The following MAGI3 variants were observed in gnomAD, a reference collection of about 807,000 sequenced individuals.
MAGI3 encodes membrane-associated guanylate kinase, WW and PDZ domain-containing protein 3.
MAGI3 carries 43 observed loss-of-function variants against 121.8 expected under a neutral mutation model. The ratio of observed to expected loss-of-function variants is 0.35; its 90% confidence interval spans 0.28 to 0.46. MAGI3 has a LOEUF of 0.46. MAGI3 is among the 20% of genes least tolerant of loss of function. The pLI, the probability that MAGI3 is intolerant of heterozygous loss-of-function variation, is 1.00. For missense variants in MAGI3, 1,547 were observed against 1,797.3 expected, an observed-to-expected ratio of 0.86 and a Z score of 2.52; for synonymous variants, 553 against 639.3, an observed-to-expected ratio of 0.86 and a Z score of 2.04.
chr1:113,461,941 A>G (rs1203909087), intron 1 of MAGI3, among the ~76,000 whole-genome samples: 1 of 152,232 alleles, frequency 6.6e-6, no homozygotes, highest in East Asian at 1.9e-4. Flanking sequence ...GAAGACATAC[A>G]TGAGGCCAAC....
At chr1:113,644,482 C>T (rs1002213402) in intron 11 of MAGI3, among the ~76,000 whole-genome samples, 2 of 152,056 alleles carry the variant, frequency 1.3e-5, no homozygotes, top group Non-Finnish European at 2.9e-5. Flanking sequence ...AGGGTTTCAC[C>T]ATGTTGGCTA....
chr1:113,425,699 T>C (rs1652974506), intron 1 of MAGI3, among the ~76,000 whole-genome samples: 1 of 152,174 alleles, frequency 6.6e-6, no homozygotes, highest in African/African-American at 2.4e-5. Context: ...GAGTATAAAA[T>C]TGTTCATAAT....
intron 1 of MAGI3, among the ~76,000 whole-genome samples, chr1:113,548,664 G>T (rs934615108): frequency 2.0e-5 from 3 of 152,176 alleles, no homozygotes; most frequent in Admixed American, 1.3e-4. Context: ...TCCCTGTTCG[G>T]GATTTTAGAT....
chr1:113,417,400 A>G (rs1652512451), intron 1 of MAGI3, among the ~76,000 whole-genome samples: 1 of 152,070 alleles, frequency 6.6e-6, no homozygotes, highest in Non-Finnish European at 1.5e-5. Flanking sequence ...GACCACATTT[A>G]TTGATTTCTG....
At chr1:113,552,490 C>A (rs1225864775) in intron 2 of MAGI3, among the ~76,000 whole-genome samples, 1 of 152,166 alleles carries the variant, frequency 6.6e-6, no homozygotes, top group East Asian at 1.9e-4. Flanking sequence ...TGGGATGTCT[C>A]ATTTTTAGTT....
intron 1 of MAGI3, among the ~76,000 whole-genome samples, chr1:113,464,040 T>C (rs947282328): frequency 1.3e-5 from 2 of 152,126 alleles, no homozygotes; most frequent in African/African-American, 4.8e-5. Flanking sequence ...AAATGTACAA[T>C]AGATTAAGTT....
At chr1:113,547,789 G>A (rs1399195961) in intron 1 of MAGI3, among the ~76,000 whole-genome samples, 1 of 152,098 alleles carries the variant, frequency 6.6e-6, no homozygotes, top group African/African-American at 2.4e-5. Context: ...TAAGGCTTGG[G>A]TTAGTGGGAT....
intron 7 of MAGI3, chr1:113,618,388 T>G: frequency 3.2e-6 from 1 of 315,626 alleles, no homozygotes; most frequent in Non-Finnish European, 6.1e-6. Context: ...GTTCAACTTG[T>G]GTGACTATTT....
chr1:113,405,982 C>A (rs954801445), intron 1 of MAGI3, among the ~76,000 whole-genome samples: 10 of 152,050 alleles, frequency 6.6e-5, no homozygotes, highest in African/African-American at 2.2e-4. Context: ...ACCCCCAGAA[C>A]ATCCGTATAT....
chr1:113,626,807 C>T (rs1287019407), intron 9 of MAGI3, among the ~76,000 whole-genome samples: 1 of 152,118 alleles, frequency 6.6e-6, no homozygotes, highest in Non-Finnish European at 1.5e-5. Context: ...TCTCCTGTTT[C>T]ATCTCTGATT....
At chr1:113,625,132 C>A (rs1173182257) in intron 9 of MAGI3, among the ~76,000 whole-genome samples, 1 of 152,158 alleles carries the variant, frequency 6.6e-6, no homozygotes, top group African/African-American at 2.4e-5. Flanking sequence ...TAATGTGATT[C>A]CTCCAGTTGT....
chr1:113,621,082 G>A, intron 8 of MAGI3, among the ~76,000 whole-genome samples: 1 of 152,142 alleles, frequency 6.6e-6, no homozygotes, highest in Non-Finnish European at 1.5e-5. Context: ...CAAAGCAGAA[G>A]AGATAGAAAC....
At chr1:113,514,078 C>G (rs1274381984) in intron 1 of MAGI3, among the ~76,000 whole-genome samples, 4 of 151,968 alleles carry the variant, frequency 2.6e-5, no homozygotes, top group Non-Finnish European at 4.4e-5. Flanking sequence ...CAATGAGATA[C>G]CATCTCACAC....
At chr1:113,620,165 C>T (rs964138856) in intron 8 of MAGI3, among the ~76,000 whole-genome samples, 2 of 152,062 alleles carry the variant, frequency 1.3e-5, no homozygotes, top group African/African-American at 4.8e-5. Context: ...TAGCTTTTCC[C>T]AAGTTAATTG....
At chr1:113,398,940 T>A (rs1252443041) in intron 1 of MAGI3, among the ~76,000 whole-genome samples, 1 of 152,100 alleles carries the variant, frequency 6.6e-6, no homozygotes, top group African/African-American at 2.4e-5. Flanking sequence ...AGTTTCTGTA[T>A]TTGTAAGAAT....
intron 9 of MAGI3, among the ~76,000 whole-genome samples, chr1:113,625,071 A>G (rs1651138220): frequency 2.0e-5 from 3 of 152,136 alleles, no homozygotes; most frequent in Non-Finnish European, 2.9e-5. Context: ...TTTTATGCCA[A>G]TACCATCTTC....
intron 5 of MAGI3, among the ~76,000 whole-genome samples, chr1:113,592,182 T>TG (rs1462704472): frequency 3.3e-5 from 5 of 152,122 alleles, no homozygotes; most frequent in African/African-American, 1.2e-4. Context: ...ACCATATATA[T>TG]TATAAAGGGT....
intron 6 of MAGI3, among the ~76,000 whole-genome samples, chr1:113,603,200 T>G (rs889289560): frequency 6.6e-6 from 1 of 152,040 alleles, no homozygotes; most frequent in Admixed American, 6.5e-5. Context: ...CTACTATGAA[T>G]AAGTGAAATT....
intron 5 of MAGI3, 62 bp from the exon 6 acceptor site, chr1:113,594,419 C>G: frequency 7.4e-7 from 1 of 1,344,972 alleles, no homozygotes; most frequent in Non-Finnish European, 1.0e-6. Flanking sequence ...TTAATCTTTA[C>G]TTTTGAAATA....
Sources: allele counts gnomAD v4.1 joint callset (sites outside exome capture counted in the v4.1 genomes callset), GRCh38; gene constraint gnomAD v4.1.1; transcripts MANE v1.5; gene names NCBI Gene and HGNC (gene_info 2026-07-23, HGNC 2026-07-21).